The following SGCD variants were observed in gnomAD, a reference collection of about 807,000 sequenced individuals.
SGCD encodes sarcoglycan delta, also known as delta-sarcoglycan.
Under a neutral mutation model 36.6 loss-of-function variants are expected in SGCD, and 18 were observed. The ratio of observed to expected loss-of-function variants is 0.49; its 90% CI spans 0.34 to 0.73. The LOEUF (loss-of-function observed/expected upper bound fraction) is 0.73. Ranked by LOEUF, SGCD falls within the 30% of genes least tolerant of loss-of-function variation. SGCD has a pLI of 0.01. For synonymous variants in SGCD, 133 were observed against 130.6 expected, an observed-to-expected ratio of 1.02 and a Z score of -0.12; for missense variants, 387 against 346.7, an observed-to-expected ratio of 1.12 and a Z score of -0.92.
intron 3 of SGCD, among the ~76,000 whole-genome samples, chr5:156,420,390 A>C (rs1313213770): frequency 6.6e-6 from 1 of 152,152 alleles, no homozygotes; most frequent in Non-Finnish European, 1.5e-5. Flanking sequence ...AAGTACAAAA[A>C]AAAATTACTT....
chr5:156,099,428 G>A lies in SGCD; in HGVS notation c.-281-18450G>A, dbSNP rs184974926. Among the ~76,000 whole-genome samples the A allele has an allele frequency of 5.3e-5, 8 of 151,752 alleles. No homozygotes were observed. In the East Asian group the frequency reaches 1.6e-3, roughly 30 times the overall value. ...TAATTCCTTTTTTTGTTGTTGTTTTGTTCTGAGACAGGGTCTCACTTTGTC... is the reference window on the plus strand; with the variant it reads ...TAATTCCTTTTTTTGTTGTTGTTTTATTCTGAGACAGGGTCTCACTTTGTC... On this transcript the variant is annotated intron_variant, in intron 1 of 9. Coordinates refer to the SGCD transcript ENST00000517913.
At chr5:156,187,950 T>G (rs75582490) in intron 3 of SGCD, among the ~76,000 whole-genome samples, 2,019 of 152,254 alleles carry the variant, frequency 0.013, 36 homozygotes, top group African/African-American at 0.045. Context: ...GTGAGAAATA[T>G]GTGTTCTTAA....
At chr5:155,737,268 C>A in the SGCD span, among the ~76,000 whole-genome samples, 1 of 152,150 alleles carries the variant, frequency 6.6e-6, no homozygotes, top group Non-Finnish European at 1.5e-5. Flanking sequence ...TCAGTATATA[C>A]CCCACATGCA....
chr5:155,804,519 C>G, the SGCD span, among the ~76,000 whole-genome samples: 4 of 152,144 alleles, frequency 2.6e-5, no homozygotes, highest in African/African-American at 7.2e-5. Flanking sequence ...GTGTGCCTTT[C>G]TTGCTGTGGA....
At chr5:156,428,203 T>C (rs1461266663) in intron 3 of SGCD, among the ~76,000 whole-genome samples, 1 of 152,118 alleles carries the variant, frequency 6.6e-6, no homozygotes, top group African/African-American at 2.4e-5. Flanking sequence ...TAAATTACTA[T>C]TTCAATCTTG....
At chr5:156,384,309 T>G (rs1203394645) in intron 3 of SGCD, among the ~76,000 whole-genome samples, 2 of 152,232 alleles carry the variant, frequency 1.3e-5, no homozygotes, top group Admixed American at 6.5e-5. Flanking sequence ...AAATCCCTTC[T>G]TCCAGGAAGC....
chr5:156,340,129 A>T (rs1204059574), intron 2 of SGCD, among the ~76,000 whole-genome samples: 3 of 152,242 alleles, frequency 2.0e-5, no homozygotes, highest in East Asian at 1.9e-4. Context: ...CACAATTCTC[A>T]TACAAAATAA....
At chr5:156,158,914 T>G (rs1232036946) in intron 3 of SGCD, among the ~76,000 whole-genome samples, 1 of 151,508 alleles carries the variant, frequency 6.6e-6, no homozygotes. Flanking sequence ...GTCATTTAAC[T>G]TCTCATCATT....
At chr5:156,215,254 G>T (rs1362173096) in intron 3 of SGCD, among the ~76,000 whole-genome samples, 1 of 152,200 alleles carries the variant, frequency 6.6e-6, no homozygotes, top group Non-Finnish European at 1.5e-5. Flanking sequence ...TAGGGGAGAA[G>T]CTCCATGATA....
rs111380198 is a variant in SGCD at position 155,982,937 on chromosome 5, C to T, written c.-282+112513C>T. ...TCATTTCTGCCTTAGATAGATAACC[C>T]CAGTGAAGAAAAATAGCTAGGGATT... On this transcript the variant is annotated intron_variant, in intron 1 of 9. Coordinates refer to the SGCD transcript ENST00000517913. Among the ~76,000 whole-genome samples the T allele has an allele frequency of 2.6e-3, 403 of 152,158 alleles. 2 individuals carry two copies. The highest frequency in any genetic ancestry group is 9.4e-3 in the African/African-American group (388 of 41,492).
chr5:156,576,972 T>G (rs1326117165), intron 4 of SGCD, among the ~76,000 whole-genome samples: 4 of 152,236 alleles, frequency 2.6e-5, no homozygotes, highest in Non-Finnish European at 4.4e-5. Flanking sequence ...TTTTGGTGTT[T>G]TAGACATGAA....
upstream of SGCD, among the ~76,000 whole-genome samples, chr5:156,322,189 G>T (rs1767688857): frequency 6.6e-6 from 1 of 152,122 alleles, no homozygotes; most frequent in Non-Finnish European, 1.5e-5. Flanking sequence ...TGTACGAATG[G>T]CTTATTAGTT....
intron 1 of SGCD, among the ~76,000 whole-genome samples, chr5:155,871,645 A>G (rs1487393666): frequency 6.6e-6 from 1 of 152,158 alleles, no homozygotes; most frequent in Non-Finnish European, 1.5e-5. Context: ...TCAGTGGTGT[A>G]GCAGGCACTG....
Position 156,493,873 on chromosome 5 carries a change from AT to A in SGCD, c.193-14725del, listed in dbSNP as rs374897430. On this transcript the variant is annotated intron_variant, in intron 3 of 8. Coordinates refer to ENST00000337851, the MANE Select transcript of SGCD (RefSeq NM_000337.6). ...TTCTGCTAGGAAATGTCTAAGACAA[AT>A]TTCTGGCACACTCCCTTTCACATCT... Among the ~76,000 whole-genome samples the A allele has an allele frequency of 5.5e-4, 84 of 152,026 alleles. No individual in the cohort carries two copies. The South Asian group carries it at 0.014, about 26-fold the overall frequency.
intron 4 of SGCD, among the ~76,000 whole-genome samples, chr5:156,521,528 GT>G (rs898804039): frequency 6.6e-6 from 1 of 152,078 alleles, no homozygotes; most frequent in African/African-American, 2.4e-5. Context: ...ACATTATAAA[GT>G]GGGCAAAGGA....
chr5:155,895,476 T>C (rs1258008929), intron 1 of SGCD, among the ~76,000 whole-genome samples: 2 of 152,210 alleles, frequency 1.3e-5, no homozygotes, highest in East Asian at 3.8e-4. Context: ...TTAAAATATT[T>C]GAGCTTGGCG....
chr5:155,840,243 CTTT>C, the SGCD span, among the ~76,000 whole-genome samples: 3 of 142,148 alleles, frequency 2.1e-5, no homozygotes, highest in African/African-American at 2.6e-5. Flanking sequence ...TTTGTTTTGC[CTTT>C]TTTTTTTTTT....
intron 3 of SGCD, among the ~76,000 whole-genome samples, chr5:156,319,078 A>AT (rs1277044807): frequency 6.6e-6 from 1 of 152,112 alleles, no homozygotes; most frequent in Non-Finnish European, 1.5e-5. Context: ...CCCTATGTGC[A>AT]TTTTACATGA....
upstream of SGCD, among the ~76,000 whole-genome samples, chr5:155,869,734 C>T (rs1357040351): frequency 6.6e-6 from 1 of 152,058 alleles, no homozygotes; most frequent in East Asian, 1.9e-4. Context: ...GGCATGGTGG[C>T]TCATGCCTGT....
Sources: allele counts gnomAD v4.1 joint callset (sites outside exome capture counted in the v4.1 genomes callset), GRCh38; gene constraint gnomAD v4.1.1; transcripts MANE v1.5; gene names NCBI Gene and HGNC (gene_info 2026-07-23, HGNC 2026-07-21).